The following ASB3 variants were observed in gnomAD, a reference collection of about 807,000 sequenced individuals.
The protein encoded by ASB3 is ankyrin repeat and SOCS box protein 3.
Under a neutral mutation model 54.5 loss-of-function variants are expected in ASB3, and 41 were observed. That is an observed-to-expected ratio of 0.75 (90% confidence interval 0.59 to 0.98). The LOEUF (loss-of-function observed/expected upper bound fraction) is 0.98, where lower values mean the gene tolerates loss of function less well. ASB3 is among the 50% of genes least tolerant of loss of function. ASB3 has a pLI of 0.00. For synonymous variants in ASB3, 266 were observed against 221.2 expected (o/e 1.20, Z -1.80); for missense variants, 733 against 620.0 (o/e 1.18, Z -1.94).
At chr2:53,749,926 T>C (rs1672425895) in intron 3 of ASB3, among the ~76,000 whole-genome samples, 1 of 152,078 alleles carries the variant, frequency 6.6e-6, no homozygotes, top group Admixed American at 6.5e-5. Flanking sequence ...TGAATTTTAC[T>C]AAAGTACATA....
chr2:53,733,490 C>A lies in ASB3; in HGVS notation c.356-3920G>T, dbSNP rs547743729. Among the ~76,000 whole-genome samples the A allele has an allele frequency of 4.0e-5, 6 of 151,176 alleles. No homozygotes were observed. In the East Asian group the frequency reaches 1.2e-3, roughly 29 times the overall value. The stretch of plus-strand genomic sequence containing the variant: ...GGATTCTCACTCTGTCGCCCAAGCT[C>A]GACTGCAGTAGCACTATTTCGGCTC... On this transcript the variant is annotated intron_variant, in intron 3 of 9. Coordinates refer to ENST00000263634, the MANE Select transcript of ASB3 (RefSeq NM_016115.5).
chr2:53,725,157 C>T (rs1020737596), intron 5 of ASB3, among the ~76,000 whole-genome samples: 2 of 152,092 alleles, frequency 1.3e-5, no homozygotes, highest in South Asian at 2.1e-4. Flanking sequence ...CAGCTGGAGG[C>T]CATTATTCTA....
At chr2:53,702,933 C>T (rs954324322) in intron 7 of ASB3, among the ~76,000 whole-genome samples, 8 of 152,170 alleles carry the variant, frequency 5.3e-5, no homozygotes, top group Non-Finnish European at 1.2e-4. Context: ...GAATGGCTTT[C>T]GACCATTAGC....
chr2:53,772,985 T>A (rs1054374552), intron 1 of ASB3, among the ~76,000 whole-genome samples: 1 of 152,170 alleles, frequency 6.6e-6, no homozygotes, highest in Non-Finnish European at 1.5e-5. Context: ...GTCATTTTAT[T>A]GGGGTACAGA....
At chr2:53,714,701 G>T in intron 6 of ASB3, 120 bp from the exon 7 acceptor site, 2 of 988,690 alleles carry the variant, frequency 2.0e-6, no homozygotes, top group Non-Finnish European at 2.9e-6. Context: ...AAATATTTCT[G>T]TCTAGGGTGT....
chr2:53,714,624 T>C (rs1267401112), intron 6 of ASB3, 43 bp from the exon 7 acceptor site: 1 of 1,583,424 alleles, frequency 6.3e-7, no homozygotes, highest in Non-Finnish European at 8.6e-7. Flanking sequence ...TTTGTATATG[T>C]GCATAAATGT....
chr2:53,735,987 A>C (rs995908299), intron 3 of ASB3, among the ~76,000 whole-genome samples: 17 of 150,976 alleles, frequency 1.1e-4, no homozygotes, highest in Non-Finnish European at 2.4e-4. Context: ...ATTTAGAAAC[A>C]ACAAACCTTC....
intron 9 of ASB3, among the ~76,000 whole-genome samples, chr2:53,692,255 T>A (rs1668956465): frequency 6.6e-6 from 1 of 152,072 alleles, no homozygotes; most frequent in South Asian, 2.1e-4. Context: ...CCACCTCATC[T>A]CCTGAACCAG....
At chr2:53,739,150 T>A (rs2103956111) in intron 3 of ASB3, among the ~76,000 whole-genome samples, 1 of 152,340 alleles carries the variant, frequency 6.6e-6, no homozygotes, top group African/African-American at 2.4e-5. Flanking sequence ...CCTTTTTCCA[T>A]TTCCTAAATT....
chr2:53,726,934 C>T (rs903686200), intron 5 of ASB3, among the ~76,000 whole-genome samples: 5 of 152,024 alleles, frequency 3.3e-5, no homozygotes, highest in African/African-American at 1.2e-4. Flanking sequence ...CCTCAGGCCT[C>T]CCAAAGCGCT....
rs992937464 is a variant in ASB3 at position 53,734,755 on chromosome 2, CT to C, written c.356-5186del. ...ATTCCCCATATTTCTCTAACATAAACTTTTTTCTCCATGTCAACAGCACTGT... is the reference window on the plus strand; with the variant it reads ...ATTCCCCATATTTCTCTAACATAAACTTTTTCTCCATGTCAACAGCACTGT... On this transcript the variant is annotated intron_variant, in intron 3 of 9. Coordinates refer to ENST00000263634, the MANE Select transcript of ASB3 (RefSeq NM_016115.5). Among the ~76,000 whole-genome samples, 4 of 152,084 alleles carry C rather than the reference CT, an allele frequency of 2.6e-5. No individual in the cohort carries two copies. The South Asian group carries it at 6.2e-4, about 24-fold the overall frequency.
At chr2:53,785,147 C>G (rs1238168157) in intron 1 of ASB3, among the ~76,000 whole-genome samples, 1 of 152,252 alleles carries the variant, frequency 6.6e-6, no homozygotes, top group African/African-American at 2.4e-5. Context: ...TCAAATGTCA[C>G]TTCCTCACAG....
chr2:53,759,480 G>A (rs540229135), intron 2 of ASB3, among the ~76,000 whole-genome samples: 20 of 152,232 alleles, frequency 1.3e-4, no homozygotes, highest in African/African-American at 2.2e-4. Context: ...TCAAAAGTCC[G>A]CCTTAGGCCC....
At chr2:53,771,885 T>C in intron 1 of ASB3, 1 of 1,509,142 alleles carries the variant, frequency 6.6e-7, no homozygotes, top group Non-Finnish European at 9.1e-7. Context: ...CAGAAAAATT[T>C]TTTTTTACCT....
At chr2:53,762,918 C>G (rs1051154978) in intron 2 of ASB3, among the ~76,000 whole-genome samples, 11 of 152,176 alleles carry the variant, frequency 7.2e-5, no homozygotes, top group African/African-American at 2.7e-4. Context: ...AGAATGGATT[C>G]CAAATCTAAA....
At chr2:53,717,300 T>A (rs1670452655) in intron 5 of ASB3, among the ~76,000 whole-genome samples, 3 of 152,214 alleles carry the variant, frequency 2.0e-5, no homozygotes, top group Admixed American at 2.0e-4. Context: ...CACTAATTGA[T>A]TCAGGCTAAG....
chr2:53,742,734 TAAAAAAAAAACAGGAAAAGTAA>T (rs1672004460), intron 3 of ASB3, among the ~76,000 whole-genome samples: 1 of 147,336 alleles, frequency 6.8e-6, no homozygotes, highest in Admixed American at 6.8e-5. Flanking sequence ...CATAGAGGCT[TAAAAAAAAAACAGGAAAAGTAA>T]AACAAAAACA....
At chr2:53,730,486 TG>T (rs1272146783) in intron 3 of ASB3, among the ~76,000 whole-genome samples, 1 of 152,220 alleles carries the variant, frequency 6.6e-6, no homozygotes, top group African/African-American at 2.4e-5. Context: ...TTGGTGATTG[TG>T]AATGGTGCTG....
At chr2:53,745,363 T>C (rs536361952) in intron 3 of ASB3, among the ~76,000 whole-genome samples, 3 of 152,172 alleles carry the variant, frequency 2.0e-5, no homozygotes, top group Non-Finnish European at 2.9e-5. Context: ...TGTAGAAAGA[T>C]GAGATGTTCC....
Sources: allele counts gnomAD v4.1 joint callset (sites outside exome capture counted in the v4.1 genomes callset), GRCh38; gene constraint gnomAD v4.1.1; transcripts MANE v1.5; gene names NCBI Gene and HGNC (gene_info 2026-07-23, HGNC 2026-07-21).